WDR37: variants seen among roughly 807,000 people sequenced by gnomAD.
WDR37 encodes the protein WD repeat-containing protein 37.
WDR37 carries 19 observed loss-of-function variants against 62.9 expected under a neutral mutation model. The observed-to-expected ratio is 0.30, with a 90% CI of 0.21 to 0.44. The LOEUF is 0.44. Ranked by LOEUF, WDR37 falls within the 20% of genes least tolerant of loss-of-function variation. The probability of loss-of-function intolerance (pLI) is 1.00; values close to 1 mark genes in which losing one functional copy is unlikely to be tolerated. For missense variants in WDR37, 474 were observed against 657.6 expected, an observed-to-expected ratio of 0.72 and a Z score of 3.05; for synonymous variants, 250 against 260.9, an observed-to-expected ratio of 0.96 and a Z score of 0.40.
chr10:1,113,800 G>C (rs1372217947), intron 11 of WDR37, among the ~76,000 whole-genome samples: 1 of 152,188 alleles, frequency 6.6e-6, no homozygotes, highest in Non-Finnish European at 1.5e-5. Flanking sequence ...GTGGTTTCTT[G>C]AGTGGGAAGG....
rs1472697953 is a variant in WDR37, at chr10:1,105,161, C to G, written c.997C>G (p.Pro333Ala). ...DQELTHCCTH[P>A]TQRLVVTSSR... is the part of the protein sequence containing the mutation. ...GGAGTTGACGCACTGCTGCACACAC[C>G]CCACCCAGCGGCTCGTGGTGACCTC... Residue 333 changes from proline to alanine, a missense_variant, in exon 11 of 14, where the codon CCC becomes GCC. Pro to Ala is a conservative substitution (Grantham distance 27, BLOSUM62 -1). Transcript: ENST00000263150. The surrounding 1 kb of genome is among the most constrained non-coding windows in gnomAD (Gnocchi z 5.3). The G allele has an allele frequency of 1.2e-6, 2 of 1,614,006 alleles. No homozygotes were observed. Among genetic ancestry groups the G allele is most frequent in the African/African-American group, 1.3e-5 (1 of 74,898 alleles).
intron 1 of WDR37, among the ~76,000 whole-genome samples, chr10:1,060,617 A>G (rs1209962801): frequency 6.6e-6 from 1 of 152,216 alleles, no homozygotes; most frequent in Non-Finnish European, 1.5e-5. Flanking sequence ...AAAACAGTGC[A>G]TAGAGGTTAA....
intron 6 of WDR37, among the ~76,000 whole-genome samples, chr10:1,086,017 A>G (rs1834189020): frequency 6.6e-6 from 1 of 152,264 alleles, no homozygotes; most frequent in South Asian, 2.1e-4. Context: ...ATTTTCCAGC[A>G]TGATGCAGCC....
intron 13 of WDR37, 164 bp downstream of exon 13, chr10:1,125,188 T>G (rs1835700107): frequency 1.5e-5 from 13 of 840,576 alleles, no homozygotes; most frequent in Non-Finnish European, 1.9e-5. Context: ...GAAGTAGAGT[T>G]GTACACTCAA....
chr10:1,122,665 G>T (rs1835624028), intron 11 of WDR37, among the ~76,000 whole-genome samples: 1 of 152,222 alleles, frequency 6.6e-6, no homozygotes, highest in Non-Finnish European at 1.5e-5. Context: ...ACTGAACTTT[G>T]CCAGTGAGCA....
intron 1 of WDR37, among the ~76,000 whole-genome samples, chr10:1,070,207 CAAA>C (rs35167375): frequency 3.2e-5 from 3 of 93,872 alleles, no homozygotes; most frequent in Non-Finnish European, 4.4e-5. Context: ...GACTCTGTCT[CAAA>C]AAAAAAAAAA....
chr10:1,095,336 T>C (rs1487205447), intron 8 of WDR37, among the ~76,000 whole-genome samples: 1 of 130,564 alleles, frequency 7.7e-6, no homozygotes, highest in Non-Finnish European at 1.6e-5. Context: ...GTAATGGGGA[T>C]AGAGAGGAGA....
intron 11 of WDR37, among the ~76,000 whole-genome samples, chr10:1,110,168 C>T (rs1421725846): frequency 5.3e-5 from 8 of 152,160 alleles, no homozygotes; most frequent in African/African-American, 1.9e-4. Flanking sequence ...GTTGCTGTGT[C>T]GGGGCGAGTC....
chr10:1,062,448 A>G (rs187831245), intron 1 of WDR37, among the ~76,000 whole-genome samples: 1 of 152,354 alleles, frequency 6.6e-6, no homozygotes, highest in African/African-American at 2.4e-5. Flanking sequence ...GAATGTTTCT[A>G]CAGATGAAGT....
chr10:1,077,525 A>G (rs1833915464), intron 2 of WDR37, among the ~76,000 whole-genome samples: 1 of 152,168 alleles, frequency 6.6e-6, no homozygotes, highest in South Asian at 2.1e-4. Context: ...AGATTAAAAT[A>G]CTTGTAGGAT....
rs544137141 is a variant in WDR37, at chr10:1,086,790, C to T, written c.604+433C>T. The stretch of plus-strand genomic sequence containing the variant: ...CTGTCCACGGAGTGAATGCTGTCCA[C>T]GTAGTTAACGCTGTCCATGTAGTTA... On this transcript the variant is annotated intron_variant, in intron 7 of 13. Coordinates refer to ENST00000263150, the MANE Select transcript of WDR37 (RefSeq NM_014023.4). Among the ~76,000 whole-genome samples, 11 of 150,514 alleles carry T rather than the reference C, an allele frequency of 7.3e-5. No homozygotes were observed. The East Asian group carries it at 1.6e-3, about 22-fold the overall frequency.
chr10:1,115,123 A>C (rs1271447097), intron 11 of WDR37, among the ~76,000 whole-genome samples: 1 of 151,936 alleles, frequency 6.6e-6, no homozygotes, highest in Non-Finnish European at 1.5e-5. Flanking sequence ...TGTGGGTGGC[A>C]GGTGGCTCTG....
chr10:1,116,423 G>A (rs1056963951), intron 11 of WDR37, among the ~76,000 whole-genome samples: 12 of 152,152 alleles, frequency 7.9e-5, no homozygotes, highest in Non-Finnish European at 1.5e-5. Context: ...TGTGCACGTA[G>A]TTTTGCTCCC....
chr10:1,075,457 G>A lies in WDR37; in HGVS notation c.139-2450G>A, dbSNP rs1221411462. ...GCCCCCCAACGCCCCGACAGGCCCC[G>A]GTGTGTGATATTCCCCTCCCTGTGT... On this transcript the variant is annotated intron_variant, in intron 2 of 13. Transcript: ENST00000263150. Among the ~76,000 whole-genome samples the A allele has an allele frequency of 4.1e-5, 4 of 98,336 alleles. No individual in the cohort carries two copies. In the South Asian group the frequency reaches 1.5e-3, roughly 38 times the overall value. The allele number at this position is 98,336 out of a possible 152,430, so 64.5% of individuals were successfully genotyped here. A position where few individuals can be genotyped will look rare whatever the true frequency, so the allele number is the denominator to read the frequency against.
intron 11 of WDR37, among the ~76,000 whole-genome samples, chr10:1,120,832 T>C (rs1488612183): frequency 6.6e-6 from 1 of 152,252 alleles, no homozygotes; most frequent in Non-Finnish European, 1.5e-5. Flanking sequence ...GGCAGATTGT[T>C]ATGCAGAAGC....
chr10:1,057,957 T>C (rs1833247601), intron 1 of WDR37, among the ~76,000 whole-genome samples: 1 of 152,242 alleles, frequency 6.6e-6, no homozygotes. Flanking sequence ...TCCAGGAACT[T>C]TCTTCGTCTT....
rs116298937 is a variant in WDR37 at position 1,120,354 on chromosome 10, C to T, written c.1104-3864C>T. On this transcript the variant is annotated intron_variant, in intron 11 of 13. Transcript: ENST00000263150. ...CACAGCTACCCCATGTCTTCCCTTG[C>T]GCTATGAAGCGCCGCCTCCGAGGGG... 4.3e-3 allele frequency among the ~76,000 whole-genome samples: 660 copies of T among 152,334 alleles called. 5 individuals are homozygous for T. Among genetic ancestry groups the T allele is most frequent in the African/African-American group, 0.014 (575 of 41,572 alleles).
At chr10:1,077,285 C>G (rs890885628) in intron 2 of WDR37, among the ~76,000 whole-genome samples, 4 of 152,128 alleles carry the variant, frequency 2.6e-5, no homozygotes, top group African/African-American at 7.2e-5. Context: ...CCCAGGGGTG[C>G]GGGAAACACA....
chr10:1,113,052 A>C (rs894417226), intron 11 of WDR37, among the ~76,000 whole-genome samples: 1 of 149,684 alleles, frequency 6.7e-6, no homozygotes, highest in African/African-American at 2.4e-5. Flanking sequence ...TAGCTAGAGA[A>C]GAGAAGTCAC....
Sources: allele counts gnomAD v4.1 joint callset (sites outside exome capture counted in the v4.1 genomes callset), GRCh38; gene constraint gnomAD v4.1.1; non-coding constraint Gnocchi (gnomAD v3.1); transcripts MANE v1.5; gene names NCBI Gene and HGNC (gene_info 2026-07-23, HGNC 2026-07-21).